Variants in RHOBTB1 observed in about 807,000 individuals in gnomAD.
The protein encoded by RHOBTB1 is Rho related BTB domain containing 1.
In RHOBTB1, 40 loss-of-function variants were observed where a neutral mutation model predicts 71.6. The observed-to-expected ratio is 0.56, with a 90% CI of 0.43 to 0.73. The LOEUF (loss-of-function observed/expected upper bound fraction) is 0.73, where lower values mean the gene tolerates loss of function less well. Among genes scored for constraint, RHOBTB1 ranks in the 30% least tolerant of loss-of-function variants. RHOBTB1 has a pLI of 0.00. For synonymous variants in RHOBTB1, 319 were observed against 334.9 expected, an observed-to-expected ratio of 0.95 and a Z score of 0.52; for missense variants, 797 against 894.0, an observed-to-expected ratio of 0.89 and a Z score of 1.38.
chr10:60,889,722 G>C (rs79065851), intron 5 of RHOBTB1, among the ~76,000 whole-genome samples: 6,043 of 152,040 alleles, frequency 0.04, 173 homozygotes, highest in Non-Finnish European at 0.062. Flanking sequence ...TTTAATCTTG[G>C]GTAAGTTACT....
chr10:60,874,833 G>A (rs1231948782), intron 9 of RHOBTB1, 121 bp downstream of exon 9: 1 of 719,428 alleles, frequency 1.4e-6, no homozygotes, highest in Non-Finnish European at 2.5e-6. Flanking sequence ...GTGTACACAG[G>A]GGGACTCTGT....
downstream of RHOBTB1, among the ~76,000 whole-genome samples, chr10:60,866,709 A>C (rs1564709024): frequency 6.6e-6 from 1 of 152,102 alleles, no homozygotes; most frequent in Non-Finnish European, 1.5e-5. Context: ...GGCCCTAGTG[A>C]GGGGAAATGT....
At chr10:60,897,347 T>A (rs2082208744) in intron 4 of RHOBTB1, among the ~76,000 whole-genome samples, 1 of 152,228 alleles carries the variant, frequency 6.6e-6, no homozygotes, top group South Asian at 2.1e-4. Flanking sequence ...TAACAAACTT[T>A]TATTGTTAAA....
At position 60,970,493 on chromosome 10, in the gene RHOBTB1, CT is replaced by C. The variant is rs570064823; in HGVS notation, c.-62+15351del. On this transcript the variant is annotated intron_variant, in intron 2 of 11. Transcript: ENST00000357917. ...TTCAGATCGGTATTGAATATTAATT[CT>C]GTATTTCATAGATCTTGGTAATTGT... 2.4e-4 allele frequency among the ~76,000 whole-genome samples: 36 copies of C among 152,112 alleles called. 1 individual carries two copies. The South Asian group carries it at 6.4e-3, about 27-fold the overall frequency.
intron 6 of RHOBTB1, among the ~76,000 whole-genome samples, chr10:60,887,333 C>T (rs2081635409): frequency 6.6e-6 from 1 of 152,146 alleles, no homozygotes; most frequent in South Asian, 2.1e-4. Flanking sequence ...ATGTGTAATG[C>T]CCTGGCAGGG....
chr10:60,949,049 A>G (rs572318711), upstream of RHOBTB1, among the ~76,000 whole-genome samples: 1 of 152,338 alleles, frequency 6.6e-6, no homozygotes, highest in African/African-American at 2.4e-5. Context: ...GCTAGTGATG[A>G]CAAACAGGAA....
chr10:60,902,853 A>T (rs12251146), intron 4 of RHOBTB1, among the ~76,000 whole-genome samples: 11,605 of 152,250 alleles, frequency 0.076, 1,328 homozygotes, highest in African/African-American at 0.25. Flanking sequence ...ATCCTGGAAC[A>T]CATGAGAGAT....
At position 60,875,037 on chromosome 10, in the gene RHOBTB1, G is replaced by A; in HGVS notation, c.1732C>T (p.His578Tyr). 6.2e-7 allele frequency: 1 copy of A among 1,613,718 alleles called. No individual in the cohort carries two copies. Among genetic ancestry groups the A allele is most frequent in the Non-Finnish European group, 8.5e-7 (1 of 1,179,612 alleles). Residue 578 changes from histidine to tyrosine, a missense_variant, in exon 9 of 11, where the codon CAT becomes TAT. This residue lies in a region of RHOBTB1 where 658 missense variants were observed against 681.5 expected (regional missense o/e 0.97). Coordinates refer to ENST00000337910, the MANE Select transcript of RHOBTB1 (RefSeq NM_014836.5). ...LPHLVALAEQ[H>Y]AVQELTKAAT... ...GCTTTGGTCAACTCCTGAACGGCAT[G>A]CTGTTCTGGGGAAGAGAGAGGGGGC...
At chr10:60,928,527 A>G (rs1477048431) in intron 2 of RHOBTB1, among the ~76,000 whole-genome samples, 3 of 151,770 alleles carry the variant, frequency 2.0e-5, no homozygotes, top group Admixed American at 2.0e-4. Context: ...GCACTAAAAG[A>G]CAAATATTTC....
chr10:60,928,163 A>G (rs1315517111), intron 2 of RHOBTB1, among the ~76,000 whole-genome samples: 3 of 152,184 alleles, frequency 2.0e-5, no homozygotes, highest in Non-Finnish European at 4.4e-5. Flanking sequence ...TGAAAAAGGC[A>G]ATAATGATTG....
intron 8 of RHOBTB1, 117 bp downstream of exon 8, chr10:60,877,791 A>G: frequency 1.1e-6 from 1 of 946,386 alleles, no homozygotes; most frequent in Non-Finnish European, 1.6e-6. Flanking sequence ...TCTACACAAG[A>G]CAGTCCTATT....
At chr10:60,972,054 G>T (rs2086176025) in intron 2 of RHOBTB1, among the ~76,000 whole-genome samples, 1 of 152,304 alleles carries the variant, frequency 6.6e-6, no homozygotes, top group South Asian at 2.1e-4. Context: ...TGCTGGAGAG[G>T]ATGTGGAGAA....
intron 5 of RHOBTB1, 70 bp from the exon 6 acceptor site, chr10:60,889,255 T>A: frequency 1.4e-6 from 2 of 1,455,516 alleles, no homozygotes. Context: ...AGGGCCTATC[T>A]AAGCACCTAA....
At position 60,990,273 on chromosome 10, in the gene RHOBTB1, G is replaced by A. The variant is rs189786059; in HGVS notation, c.-162-4328C>T. On this transcript the variant is annotated intron_variant, in intron 1 of 11. Transcript: ENST00000357917. ...GCTGGGATTACAGGCGTCAGCCACC[G>A]TGCCCGGCCAACCTCAGACTGTTCT... 5.9e-5 allele frequency among the ~76,000 whole-genome samples: 9 copies of A among 152,090 alleles called. No homozygotes were observed. In the East Asian group the frequency reaches 1.2e-3, roughly 20 times the overall value.
chr10:60,930,095 A>G (rs796501984), intron 2 of RHOBTB1, among the ~76,000 whole-genome samples: 6 of 152,340 alleles, frequency 3.9e-5, no homozygotes, highest in African/African-American at 1.2e-4. Flanking sequence ...TTAAGAAAAT[A>G]CTTTCTAATA....
chr10:60,911,479 C>G lies in RHOBTB1; in HGVS notation c.64G>C (p.Asp22His). 6.2e-7 allele frequency: 1 copy of G among 1,614,204 alleles called. No homozygotes were observed. Reference protein sequence around the residue: ...VETIKCVVVGDNAVGKTRLIC... With the variant: ...VETIKCVVVGHNAVGKTRLIC... Reference sequence around the variant, plus strand: ...AAGCGCGTCTTCCCCACGGCATTGTCACCCACGACCACACATTTGATAGTT... The same window carrying G: ...AAGCGCGTCTTCCCCACGGCATTGTGACCCACGACCACACATTTGATAGTT... The change falls in exon 3 of 11, where the codon GAC becomes CAC. Residue 22 changes from aspartate to histidine, a missense_variant. Coordinates refer to ENST00000337910, the MANE Select transcript of RHOBTB1 (RefSeq NM_014836.5).
intron 7 of RHOBTB1, among the ~76,000 whole-genome samples, chr10:60,879,770 A>G (rs1213642374): frequency 6.6e-6 from 1 of 151,964 alleles, no homozygotes; most frequent in Non-Finnish European, 1.5e-5. Flanking sequence ...GTATGATTGC[A>G]CCTCTCTCTC....
At chr10:60,928,667 TA>T (rs1468977209) in intron 2 of RHOBTB1, among the ~76,000 whole-genome samples, 3 of 151,782 alleles carry the variant, frequency 2.0e-5, no homozygotes, top group Admixed American at 1.3e-4. Flanking sequence ...GGTTAGTGGG[TA>T]AAAAATACAG....
At chr10:60,880,317 G>A (rs2081273518) in intron 7 of RHOBTB1, among the ~76,000 whole-genome samples, 1 of 151,368 alleles carries the variant, frequency 6.6e-6, no homozygotes, top group African/African-American at 2.4e-5. Flanking sequence ...CATTCTACAA[G>A]GTGCTTATGG....
Sources: gnomAD v4.1 joint callset for allele counts (sites outside exome capture counted in the v4.1 genomes callset) on GRCh38, gnomAD v4.1.1 for gene constraint, gnomAD v4.1.1 regional missense constraint, MANE v1.5 for transcripts, NCBI Gene and HGNC (gene_info 2026-07-23, HGNC 2026-07-21) for gene names.